Variants in TRIM49B observed in about 807,000 individuals in gnomAD.
The protein encoded by TRIM49B is tripartite motif containing 49B, also known as putative tripartite motif-containing protein 49B.
In TRIM49B, 18 loss-of-function variants were observed where a neutral mutation model predicts 31.8. That is an observed-to-expected ratio of 0.57 (90% CI 0.39 to 0.84). TRIM49B has a LOEUF of 0.84. Ranked by LOEUF, TRIM49B falls within the 40% of genes least tolerant of loss-of-function variation. The pLI is 0.00. For synonymous variants in TRIM49B, 196 were observed against 180.6 expected, an observed-to-expected ratio of 1.09 and a Z score of -0.68; for missense variants, 494 against 538.7, an observed-to-expected ratio of 0.92 and a Z score of 0.82.
At position 49,036,286 on chromosome 11, in the gene TRIM49B, G is replaced by A. The variant is rs1264273429; in HGVS notation, c.762-15G>A. ...TATGGCTGTAGATGTTGTAACTGCA[G>A]GTTTTTCCTTGCAGGAGTGAGTCCG... On this transcript the variant is annotated splice_polypyrimidine_tract_variant and intron_variant, in intron 5 of 6. Transcript: ENST00000332682. 8.4e-6 allele frequency: 13 copies of A among 1,552,704 alleles called. No individual in the cohort carries two copies. Among genetic ancestry groups the A allele is most frequent in the Non-Finnish European group, 1.1e-5 (13 of 1,141,682 alleles).
At position 49,034,455 on chromosome 11, in the gene TRIM49B, C is replaced by G. The variant is rs1854494529; in HGVS notation, c.738+79C>G. Reference sequence around the variant, plus strand: ...TTTCCTCATGGCTGAAATCCATCTCCCTAATTTTATTTCCATGATGTGTTT... The same window carrying G: ...TTTCCTCATGGCTGAAATCCATCTCGCTAATTTTATTTCCATGATGTGTTT... On this transcript the variant is annotated intron_variant, in intron 4 of 6. Transcript: ENST00000332682. 7 of 1,610,852 alleles carry G rather than the reference C, an allele frequency of 4.3e-6. No individual in the cohort carries two copies. The Middle Eastern group carries it at 1.1e-3, about 260-fold the overall frequency.
Position 49,038,066 on chromosome 11 carries a change from A to G in TRIM49B, c.*89A>G. 6.4e-7 allele frequency: 1 copy of G among 1,559,534 alleles called. No individual in the cohort carries two copies. The highest frequency in any genetic ancestry group is 8.6e-7 in the Non-Finnish European group (1 of 1,160,936). On this transcript the variant is annotated 3_prime_UTR_variant, in exon 7 of 7. Transcript: ENST00000332682. ...TCCTTGTGCCTTAACATACAGGACA[A>G]ATAGGCTCTATTTTATATCTTGAAT...
rs372991013 is a variant in TRIM49B, at chr11:49,031,181, T to C, written c.-4-415T>C. Among the ~76,000 whole-genome samples the C allele has an allele frequency of 1.5e-4, 23 of 152,276 alleles. No individual in the cohort carries two copies. The East Asian group carries it at 1.7e-3, about 12-fold the overall frequency. On this transcript the variant is annotated intron_variant, in intron 1 of 6. Coordinates refer to ENST00000332682, the MANE Select transcript of TRIM49B (RefSeq NM_001206626.2). ...ATAGAACCATCTTCTCATATTTCTT[T>C]GGCCATCTTCTCATATTTCTTTGGC...
At position 49,037,677 on chromosome 11, in the gene TRIM49B, G is replaced by T. The variant is rs771719018; in HGVS notation, c.1059G>T (p.Trp353Cys). Residue 353 changes from tryptophan to cysteine, a missense_variant, in exon 7 of 7, where the codon TGG becomes TGT. Physicochemically the swap from Trp to Cys is radical, Grantham distance 215. Transcript: ENST00000332682. ...WEVHVGDSWN[W>C]AFGVCNMYWK... ...TCCATGTAGGGGACTCCTGGAATTG[G>T]GCTTTTGGTGTCTGTAATATGTATT... is the stretch of plus-strand genomic sequence containing the variant. 6.2e-7 allele frequency: 1 copy of T among 1,613,908 alleles called. No individual in the cohort carries two copies. Among genetic ancestry groups the T allele is most frequent in the South Asian group, 1.1e-5 (1 of 91,070 alleles).
Position 49,036,592 on chromosome 11 carries a change from G to A in TRIM49B, c.859+194G>A, listed in dbSNP as rs556516849. Among the ~76,000 whole-genome samples the A allele has an allele frequency of 2.4e-4, 36 of 152,012 alleles. No individual in the cohort carries two copies. In the Middle Eastern group the frequency reaches 0.01, roughly 43 times the overall value. Reference sequence around the variant, plus strand: ...TATAGCATTAAGTTTGAAAGATAGTGAAAAAGAAATACTTTCTGGCATAAT... The same window carrying A: ...TATAGCATTAAGTTTGAAAGATAGTAAAAAAGAAATACTTTCTGGCATAAT... On this transcript the variant is annotated intron_variant, in intron 6 of 6. Coordinates refer to ENST00000332682, the MANE Select transcript of TRIM49B (RefSeq NM_001206626.2).
intron 1 of TRIM49B, among the ~76,000 whole-genome samples, chr11:49,030,069 C>A (rs1017667190): frequency 6.6e-6 from 1 of 152,158 alleles, no homozygotes; most frequent in Admixed American, 6.5e-5. Context: ...CACTGTGGCA[C>A]GTGCCTATAA....
Position 49,032,003 on chromosome 11 carries a change from A to T in TRIM49B, c.404A>T (p.Glu135Val). ...RHCPIESAAE[E>V]HQEKLLQKMQ... ...TGTCCCATTGAGTCGGCTGCTGAGG[A>T]ACACCAGGTAAGTGATGGCTCTGAA... The change falls in exon 2 of 7, where the codon GAA (glutamate) becomes GTA (valine). Residue 135 changes from glutamate (E) to valine (V), a missense_variant. Coordinates refer to ENST00000332682, the MANE Select transcript of TRIM49B (RefSeq NM_001206626.2). The T allele has an allele frequency of 6.2e-7, 1 of 1,612,000 alleles. No individual in the cohort carries two copies. Among genetic ancestry groups the T allele is most frequent in the Non-Finnish European group, 8.5e-7 (1 of 1,179,860 alleles).
Position 49,035,339 on chromosome 11 carries a change from A to ATTTTTTTTTTTTTT in TRIM49B, c.761+247_761+260dup, listed in dbSNP as rs1162056301. Among the ~76,000 whole-genome samples the ATTTTTTTTTTTTTT allele has an allele frequency of 1.4e-3, 80 of 56,802 alleles. 11 individuals carry two copies. Among genetic ancestry groups the ATTTTTTTTTTTTTT allele is most frequent in the African/African-American group, 2.2e-3 (29 of 13,456 alleles). 37.3% of individuals were successfully genotyped at this position (56,802 alleles called of 152,430 possible). On this transcript the variant is annotated intron_variant, in intron 5 of 6. Transcript: ENST00000332682. ...ACTAAAACAAACAATTTGATTCCTG[A>ATTTTTTTTTTTTTT]TTTTTTTTTTTTTTTTTTTTTTTTT...
Position 49,031,615 on chromosome 11 carries a change from T to C in TRIM49B, c.16T>C (p.Leu6=). The change falls in exon 2 of 7, where the codon TTA becomes CTA. Residue 6 remains leucine, a synonymous_variant. Coordinates refer to ENST00000332682, the MANE Select transcript of TRIM49B (RefSeq NM_001206626.2). MNSGI[L]QVFQRELICP... is the part of the protein sequence containing the mutation. ...CCTCAGAAACATGAATTCTGGAATCTTACAGGTCTTTCAGAGGGAACTCAT... is the reference window on the plus strand; with the variant it reads ...CCTCAGAAACATGAATTCTGGAATCCTACAGGTCTTTCAGAGGGAACTCAT... 1 of 1,613,898 alleles carries C rather than the reference T, an allele frequency of 6.2e-7. No individual in the cohort carries two copies. The highest frequency in any genetic ancestry group is 8.5e-7 in the Non-Finnish European group (1 of 1,179,854).
chr11:49,036,930 T>C (rs1453366626), intron 6 of TRIM49B, among the ~76,000 whole-genome samples: 1 of 152,206 alleles, frequency 6.6e-6, no homozygotes, highest in Non-Finnish European at 1.5e-5. Flanking sequence ...ATAAGTTCAG[T>C]TTAATTGCAA....
intron 5 of TRIM49B, 82 bp from the exon 6 acceptor site, chr11:49,036,219 A>G (rs1854527920): frequency 6.3e-7 from 1 of 1,591,344 alleles, no homozygotes; most frequent in Admixed American, 1.7e-5. Flanking sequence ...AAGGATTCTC[A>G]TGAAATGTCT....
rs112653098 is a variant in TRIM49B, at chr11:49,031,393, G to C, written c.-4-203G>C. Among the ~76,000 whole-genome samples, 1,217 of 152,296 alleles carry C rather than the reference G, an allele frequency of 8.0e-3. 13 individuals carry two copies. Among genetic ancestry groups the C allele is most frequent in the African/African-American group, 0.028 (1,146 of 41,540 alleles). On this transcript the variant is annotated intron_variant, in intron 1 of 6. Transcript: ENST00000332682. The stretch of plus-strand genomic sequence containing the variant: ...GAACTAGGAGTAGAAGGGACTGTGA[G>C]TGCTCTAGTTAGTAATATCTGTTAT...
In TRIM49B at chr11:49,037,672, A is replaced by C; in HGVS notation, c.1054A>C (p.Asn352His). 7.4e-6 allele frequency: 12 copies of C among 1,613,924 alleles called. No homozygotes were observed. The highest frequency in any genetic ancestry group is 1.0e-5 in the Non-Finnish European group (12 of 1,179,860). Reference protein sequence around the residue: ...YWEVHVGDSWNWAFGVCNMYW... With the variant: ...YWEVHVGDSWHWAFGVCNMYW... The stretch of plus-strand genomic sequence containing the variant: ...GGAGGTCCATGTAGGGGACTCCTGG[A>C]ATTGGGCTTTTGGTGTCTGTAATAT... Residue 352 changes from asparagine (N) to histidine (H), a missense_variant, in exon 7 of 7, where the codon AAT becomes CAT. Asn to His is a moderately conservative substitution (Grantham distance 68). This residue lies in a region of TRIM49B where 233 missense variants were observed against 281.4 expected (regional missense o/e 0.83). Transcript: ENST00000332682.
intron 4 of TRIM49B, 34 bp downstream of exon 4, chr11:49,034,410 A>C (rs1410508752): frequency 6.2e-7 from 1 of 1,611,820 alleles, no homozygotes; most frequent in Non-Finnish European, 8.5e-7. Flanking sequence ...AGGTTTTTGA[A>C]TATTCACATG....
intron 1 of TRIM49B, among the ~76,000 whole-genome samples, chr11:49,030,693 TTC>T (rs1326678108): frequency 5.9e-5 from 9 of 152,160 alleles, no homozygotes; most frequent in Non-Finnish European, 4.4e-5. Context: ...CATATCTCTC[TTC>T]TCTAGAAACA....
intron 1 of TRIM49B, among the ~76,000 whole-genome samples, chr11:49,029,817 A>G (rs563816606): frequency 7.5e-4 from 114 of 152,304 alleles, no homozygotes; most frequent in Admixed American, 2.0e-3. Flanking sequence ...GTGGTCCCAT[A>G]AGATTATAAT....
intron 4 of TRIM49B, among the ~76,000 whole-genome samples, chr11:49,034,749 G>C (rs142241855): frequency 6.6e-6 from 1 of 152,124 alleles, no homozygotes; most frequent in Non-Finnish European, 1.5e-5. Flanking sequence ...ATCTAGGTTT[G>C]CATTAACGTT....
chr11:49,035,358 T>G (rs1380076657), intron 5 of TRIM49B, among the ~76,000 whole-genome samples: 7 of 110,658 alleles, frequency 6.3e-5, no homozygotes, highest in Admixed American at 1.8e-4. Flanking sequence ...TTTTTTTTTT[T>G]TTTTTTTTTT....
chr11:49,029,231 G>A (rs568557574), intron 1 of TRIM49B, among the ~76,000 whole-genome samples: 1 of 152,178 alleles, frequency 6.6e-6, no homozygotes, highest in African/African-American at 2.4e-5. Context: ...ATATGGAGTT[G>A]ATATATATAT....
Sources: allele counts gnomAD v4.1 joint callset (sites outside exome capture counted in the v4.1 genomes callset), GRCh38; gene constraint gnomAD v4.1.1; regional missense constraint gnomAD v4.1.1; transcripts MANE v1.5; gene names NCBI Gene and HGNC (gene_info 2026-07-23, HGNC 2026-07-21).